KCNH5: variants seen among roughly 807,000 people sequenced by gnomAD.
KCNH5 encodes voltage-gated delayed rectifier potassium channel KCNH5.
KCNH5 carries 46 observed loss-of-function variants against 96.1 expected under a neutral mutation model. That is an observed-to-expected ratio of 0.48 (90% confidence interval 0.38 to 0.61). KCNH5 has a LOEUF of 0.61. Ranked by LOEUF, KCNH5 falls within the 20% of genes least tolerant of loss-of-function variation. KCNH5 has a pLI of 0.00. For missense variants in KCNH5, 907 were observed against 1,225.8 expected (o/e 0.74, Z 3.88); for synonymous variants, 439 against 449.8 (o/e 0.98, Z 0.30).
At chr14:62,721,247 C>T (rs1884807373) in intron 10 of KCNH5, among the ~76,000 whole-genome samples, 1 of 152,140 alleles carries the variant, frequency 6.6e-6, no homozygotes, top group African/African-American at 2.4e-5. Flanking sequence ...CAGCTACTTC[C>T]TGCCTGTGCA....
At chr14:62,926,052 G>A (rs561056563) in intron 7 of KCNH5, among the ~76,000 whole-genome samples, 3 of 152,016 alleles carry the variant, frequency 2.0e-5, no homozygotes, top group African/African-American at 7.2e-5. Context: ...CTTCATATAT[G>A]CTAAAGTAAC....
At chr14:62,845,160 G>A (rs983447836) in intron 8 of KCNH5, among the ~76,000 whole-genome samples, 1 of 151,916 alleles carries the variant, frequency 6.6e-6, no homozygotes, top group Non-Finnish European at 1.5e-5. Context: ...GAAACATAAA[G>A]TAATAAAATG....
In KCNH5 at chr14:62,945,163, G is replaced by A. The variant is rs145029638; in HGVS notation, c.1369+4970C>T. On this transcript the variant is annotated intron_variant, in intron 7 of 10. Coordinates refer to ENST00000322893, the MANE Select transcript of KCNH5 (RefSeq NM_139318.5). ...AATATACGTGAAAATTTCCACTGTA[G>A]GTAGATTCAGAAGGTAGATGGTAAG... Among the ~76,000 whole-genome samples, 374 of 152,254 alleles carry A rather than the reference G, an allele frequency of 2.5e-3. 2 individuals are homozygous for A. Among genetic ancestry groups the A allele is most frequent in the African/African-American group, 8.7e-3 (361 of 41,558 alleles).
At chr14:62,773,897 GA>G (rs374097082) in intron 10 of KCNH5, among the ~76,000 whole-genome samples, 11 of 151,806 alleles carry the variant, frequency 7.2e-5, no homozygotes, top group African/African-American at 2.4e-4. Flanking sequence ...ATCTTTTATG[GA>G]AAAAAAGGTT....
intron 3 of KCNH5, among the ~76,000 whole-genome samples, chr14:63,006,154 T>C (rs1440523633): frequency 2.0e-5 from 3 of 152,180 alleles, no homozygotes; most frequent in African/African-American, 7.2e-5. Context: ...TTAAGATGCA[T>C]CACATTTTTC....
intron 1 of KCNH5, among the ~76,000 whole-genome samples, chr14:63,027,966 G>A (rs1891556270): frequency 1.3e-5 from 2 of 152,044 alleles, no homozygotes; most frequent in Non-Finnish European, 2.9e-5. Flanking sequence ...CTCACTACAT[G>A]AGAGGTACTC....
Position 62,835,636 on chromosome 14 carries a change from C to T in KCNH5, c.1569+14017G>A, listed in dbSNP as rs763307289. Among the ~76,000 whole-genome samples, 216 of 152,052 alleles carry T rather than the reference C, an allele frequency of 1.4e-3. 5 individuals carry two copies. Among genetic ancestry groups the T allele is most frequent in the African/African-American group, 1.0e-3 (42 of 41,540 alleles). ...TTTGAAACTTTACTTCAAATATTGA[C>T]GGCATAACTGATGCCTTGACACTAA... is the stretch of plus-strand genomic sequence containing the variant. On this transcript the variant is annotated intron_variant, in intron 8 of 10. Transcript: ENST00000322893.
intron 7 of KCNH5, among the ~76,000 whole-genome samples, chr14:62,884,130 T>C (rs1163199834): frequency 6.6e-6 from 1 of 152,186 alleles, no homozygotes; most frequent in Non-Finnish European, 1.5e-5. Context: ...GAATTTAAAA[T>C]ATTTTTCTTA....
intron 6 of KCNH5, among the ~76,000 whole-genome samples, chr14:62,971,746 C>A (rs935713589): frequency 1.3e-5 from 2 of 151,670 alleles, no homozygotes; most frequent in Non-Finnish European, 2.9e-5. Context: ...AAAGGCAATG[C>A]AATGGAACAA....
chr14:62,934,249 C>T (rs1157844044), intron 7 of KCNH5, among the ~76,000 whole-genome samples: 1 of 151,938 alleles, frequency 6.6e-6, no homozygotes, highest in Non-Finnish European at 1.5e-5. Context: ...GCGTCAGCCT[C>T]CCTAGTAGCT....
intron 7 of KCNH5, among the ~76,000 whole-genome samples, chr14:62,897,153 A>C (rs1017147646): frequency 9.9e-5 from 15 of 152,134 alleles, no homozygotes; most frequent in African/African-American, 3.6e-4. Context: ...AGTGTTTCCA[A>C]TTTTGCTAAT....
Position 62,802,313 on chromosome 14 carries a change from G to C in KCNH5, c.1822+16C>G, listed in dbSNP as rs1188649011. 1 of 1,609,992 alleles carries C rather than the reference G, an allele frequency of 6.2e-7. No homozygotes were observed. Among genetic ancestry groups the C allele is most frequent in the Non-Finnish European group, 8.5e-7 (1 of 1,176,616 alleles). ...TTACTACGCATTTGCTACTACATTA[G>C]GAAAGTTCACAGTACCTAAAATAGC... On this transcript the variant is annotated intron_variant, in intron 9 of 10. Transcript: ENST00000322893.
At chr14:62,931,702 G>A (rs753508538) in intron 7 of KCNH5, among the ~76,000 whole-genome samples, 1 of 152,142 alleles carries the variant, frequency 6.6e-6, no homozygotes, top group Non-Finnish European at 1.5e-5. Context: ...GGGAAGTGAA[G>A]GAGCAAAGGT....
intron 7 of KCNH5, among the ~76,000 whole-genome samples, chr14:62,925,788 C>T: frequency 6.6e-6 from 1 of 151,912 alleles, no homozygotes; most frequent in East Asian, 1.9e-4. Flanking sequence ...GTTAGATTCC[C>T]AATTATGGAT....
rs1484164489 is a variant in KCNH5 at position 62,703,381 on chromosome 14, T to A, written c.*4127A>T. On this transcript the variant is annotated 3_prime_UTR_variant, in exon 11 of 11. Coordinates refer to ENST00000322893, the MANE Select transcript of KCNH5 (RefSeq NM_139318.5). ...AGAGTACATCGTGGATACTCTTCTA[T>A]GAAAGAATGAAAAAGTGATCACTTG... is the stretch of plus-strand genomic sequence containing the variant. 6.6e-6 allele frequency: 1 copy of A among 151,912 alleles called. No homozygotes were observed. Among genetic ancestry groups the A allele is most frequent in the African/African-American group, 2.4e-5 (1 of 41,446 alleles). The allele number at this position is 151,912 out of a possible 1,614,324, so 9.4% of individuals were successfully genotyped here.
intron 10 of KCNH5, among the ~76,000 whole-genome samples, chr14:62,711,496 T>A (rs1884566913): frequency 6.6e-6 from 1 of 152,192 alleles, no homozygotes; most frequent in African/African-American, 2.4e-5. Context: ...TCCCCCTTTT[T>A]ACGCCCGGGA....
chr14:63,043,505 T>C (rs1566552044), intron 1 of KCNH5, among the ~76,000 whole-genome samples: 2 of 152,160 alleles, frequency 1.3e-5, no homozygotes, highest in African/African-American at 4.8e-5. Flanking sequence ...TACAAGAAGG[T>C]AATCTATAAG....
At position 63,040,794 on chromosome 14, in the gene KCNH5, C is replaced by T. The variant is rs553713864; in HGVS notation, c.73+4320G>A. On this transcript the variant is annotated intron_variant, in intron 1 of 10. Coordinates refer to ENST00000322893, the MANE Select transcript of KCNH5 (RefSeq NM_139318.5). The stretch of plus-strand genomic sequence containing the variant: ...AATTCAGCATGAAAATAATTTTGGA[C>T]TTTTCTACAAGTAAGAGATAGCTGA... 2.0e-5 allele frequency among the ~76,000 whole-genome samples: 3 copies of T among 152,106 alleles called. No homozygotes were observed. In the South Asian group the frequency reaches 6.2e-4, roughly 32 times the overall value.
At position 62,705,709 on chromosome 14, in the gene KCNH5, T is replaced by C. The variant is rs1884417027; in HGVS notation, c.*1799A>G. 6.6e-6 allele frequency: 1 copy of C among 152,068 alleles called. No homozygotes were observed. The highest frequency in any genetic ancestry group is 2.1e-4 in the South Asian group (1 of 4,830). 9.4% of individuals were successfully genotyped at this position (152,068 alleles called of 1,614,324 possible). On this transcript the variant is annotated 3_prime_UTR_variant, in exon 11 of 11. Transcript: ENST00000322893. ...TAGAAATTCTAAAATAGCAACTGTT[T>C]TTATAAATCACTGTTTTGCACTTCT...
Sources: allele counts gnomAD v4.1 joint callset (sites outside exome capture counted in the v4.1 genomes callset), GRCh38; gene constraint gnomAD v4.1.1; transcripts MANE v1.5; gene names NCBI Gene and HGNC (gene_info 2026-07-23, HGNC 2026-07-21).